Variants in IL17RA observed in about 807,000 individuals in gnomAD.
IL17RA encodes the protein interleukin-17 receptor A.
IL17RA carries 34 observed loss-of-function variants against 50.4 expected under a neutral mutation model. That is an observed-to-expected ratio of 0.67 (90% CI 0.51 to 0.90). The LOEUF (loss-of-function observed/expected upper bound fraction) is 0.90, where lower values mean the gene tolerates loss of function less well. Among genes scored for constraint, IL17RA ranks in the 40% least tolerant of loss-of-function variants. The pLI is 0.00. For synonymous variants in IL17RA, 585 were observed against 510.4 expected (o/e 1.15, Z -1.97); for missense variants, 1,276 against 1,169.8 (o/e 1.09, Z -1.32).
chr22:17,101,404 G>A (rs181274678), intron 5 of IL17RA, among the ~76,000 whole-genome samples: 9 of 152,296 alleles, frequency 5.9e-5, no homozygotes, highest in Non-Finnish European at 1.2e-4. Context: ...ATGTCACCGC[G>A]TGTGGCTCAT....
rs552176381 is a variant in IL17RA, at chr22:17,100,412, G to C, written c.481G>C (p.Val161Leu). The C allele has an allele frequency of 6.2e-7, 1 of 1,613,922 alleles. No individual in the cohort carries two copies. The highest frequency in any genetic ancestry group is 8.5e-7 in the Non-Finnish European group (1 of 1,179,968). ...CCCTGACCAGGAATATGAGGTGACC[G>C]TTCACCACCTGCCCAAGCCCATCCC... ...VDPDQEYEVTVHHLPKPIPDG... is the reference protein window; with the variant it reads ...VDPDQEYEVTLHHLPKPIPDG... The change falls in exon 5 of 13, where the codon GTT (valine) becomes CTT (leucine). Residue 161 changes from valine to leucine, a missense_variant. Transcript: ENST00000319363.
Position 17,107,663 on chromosome 22 carries a change from C to T in IL17RA, c.1046-64C>T. 5.7e-6 allele frequency: 8 copies of T among 1,396,158 alleles called. No homozygotes were observed. The South Asian group carries it at 9.2e-5, about 16-fold the overall frequency. The allele number at this position is 1,396,158 out of a possible 1,614,324, so 86.5% of individuals were successfully genotyped here. On this transcript the variant is annotated intron_variant, in intron 11 of 12. Coordinates refer to ENST00000319363, the MANE Select transcript of IL17RA (RefSeq NM_014339.7). ...CTTTGTCAGGGATGGGGCAGACACC[C>T]TGTGAGCTGGTTTCTATTTCTCTTC...
chr22:17,097,681 G>A (rs2061373096), intron 2 of IL17RA, 116 bp from the exon 3 acceptor site: 33 of 1,296,914 alleles, frequency 2.5e-5, no homozygotes, highest in Non-Finnish European at 3.6e-5. Flanking sequence ...AAGGGCCACA[G>A]GCTGGAAGGC....
intron 1 of IL17RA, chr22:17,093,860 A>G (rs1232790769): frequency 1.3e-5 from 2 of 153,190 alleles, no homozygotes; most frequent in African/African-American, 4.8e-5. Flanking sequence ...ACCAAGGGGC[A>G]CACTGCTTGA....
intron 11 of IL17RA, 57 bp from the exon 12 acceptor site, chr22:17,107,670 C>T: frequency 6.9e-7 from 1 of 1,449,434 alleles, no homozygotes; most frequent in South Asian, 1.1e-5. Context: ...ACCCTGTGAG[C>T]TGGTTTCTAT....
At chr22:17,098,959 AGACCCT>A in intron 4 of IL17RA, 72 bp downstream of exon 4, 1 of 1,276,976 alleles carries the variant, frequency 7.8e-7, no homozygotes, top group Non-Finnish European at 1.1e-6. Flanking sequence ...CCCCAAATTC[AGACCCT>A]GATTTAGAGT....
chr22:17,106,911 G>A (rs1454615237), intron 11 of IL17RA, among the ~76,000 whole-genome samples: 2 of 152,150 alleles, frequency 1.3e-5, no homozygotes, highest in African/African-American at 4.8e-5. Flanking sequence ...GTTTTCCGAA[G>A]TGTCCTGCAC....
intron 5 of IL17RA, 38 bp from the exon 6 acceptor site, chr22:17,101,958 C>T (rs555903888): frequency 4.8e-5 from 78 of 1,613,052 alleles, no homozygotes; most frequent in Non-Finnish European, 6.3e-5. Context: ...TTTCTGAAGG[C>T]AGAGGCTTAA....
intron 1 of IL17RA, 72 bp downstream of exon 1, chr22:17,085,301 C>T: frequency 1.3e-6 from 2 of 1,523,436 alleles, no homozygotes; most frequent in East Asian, 2.5e-5. Flanking sequence ...GAGGGCCGGA[C>T]GGTCGGGACT....
At position 17,097,860 on chromosome 22, in the gene IL17RA, T is replaced by C. The variant is rs745774811; in HGVS notation, c.227T>C (p.Leu76Pro). The C allele has an allele frequency of 1.3e-5, 21 of 1,614,102 alleles. No individual in the cohort carries two copies. The highest frequency in any genetic ancestry group is 1.6e-5 in the Non-Finnish European group (19 of 1,180,034). ...RNLTPSSPKD[L>P]QIQLHFAHTQ... ...CTGACCCCCTCCTCCCCAAAGGACC[T>C]GCAGATCCAGCTGCACTTTGCCCAC... Residue 76 changes from leucine to proline, a missense_variant, in exon 3 of 13, where the codon CTG becomes CCG. Leu to Pro is a moderately conservative substitution (Grantham distance 98). Transcript: ENST00000319363.
At chr22:17,092,255 CCTT>C (rs1256207030) in intron 1 of IL17RA, among the ~76,000 whole-genome samples, 1 of 152,200 alleles carries the variant, frequency 6.6e-6, no homozygotes, top group East Asian at 1.9e-4. Context: ...GCTTTGTACT[CCTT>C]CTCCTATACC....
chr22:17,088,809 A>G lies in IL17RA; in HGVS notation c.138+3580A>G, dbSNP rs191220578. Among the ~76,000 whole-genome samples the G allele has an allele frequency of 2.2e-3, 320 of 145,902 alleles. 3 individuals are homozygous for G. Among genetic ancestry groups the G allele is most frequent in the Admixed American group, 0.015 (220 of 14,446 alleles). ...GGCCAATTTTTTTATTTTTATTTTT[A>G]TTTTGAGACAAGGTCTCACTCTGTC... On this transcript the variant is annotated intron_variant, in intron 1 of 12. Coordinates refer to ENST00000319363, the MANE Select transcript of IL17RA (RefSeq NM_014339.7).
chr22:17,106,389 C>A (rs2061414924), intron 11 of IL17RA, among the ~76,000 whole-genome samples: 1 of 152,152 alleles, frequency 6.6e-6, no homozygotes, highest in East Asian at 1.9e-4. Context: ...AGGGGTGGAC[C>A]CCAGCCCCAC....
Position 17,103,542 on chromosome 22 carries a change from C to T in IL17RA, c.811C>T (p.Arg271Cys). 3.1e-6 allele frequency: 5 copies of T among 1,613,712 alleles called. No individual in the cohort carries two copies. The highest frequency in any genetic ancestry group is 2.2e-5 in the East Asian group (1 of 44,848). Reference sequence around the variant, plus strand: ...GCGATCCAACGTCACACTCACTCTACGCAACCTTAAAGGGTGCTGTCGCCA... The same window carrying T: ...GCGATCCAACGTCACACTCACTCTATGCAACCTTAAAGGGTGCTGTCGCCA... ...HQRSNVTLTLRNLKGCCRHQV... is the reference protein window; with the variant it reads ...HQRSNVTLTLCNLKGCCRHQV... The change falls in exon 8 of 13, where the codon CGC becomes TGC. Residue 271 changes from arginine to cysteine, a missense_variant. Transcript: ENST00000319363.
At position 17,110,167 on chromosome 22, in the gene IL17RA, T is replaced by G; in HGVS notation, c.*347T>G. On this transcript the variant is annotated 3_prime_UTR_variant, in exon 13 of 13. Transcript: ENST00000319363. ...ATTGCATGCGGCATGGCCCCAGCCATGAAGGAACTTAACCGCTAGTGCCGA... is the reference window on the plus strand; with the variant it reads ...ATTGCATGCGGCATGGCCCCAGCCAGGAAGGAACTTAACCGCTAGTGCCGA... The G allele has an allele frequency of 2.8e-6, 1 of 359,534 alleles. No homozygotes were observed. The highest frequency in any genetic ancestry group is 7.4e-5 in the East Asian group (1 of 13,602). The allele number at this position is 359,534 out of a possible 1,614,324, so 22.3% of individuals were successfully genotyped here.
rs13057764 is a variant in IL17RA, at chr22:17,085,445, T to G, written c.138+216T>G. On this transcript the variant is annotated intron_variant, in intron 1 of 12. Coordinates refer to ENST00000319363, the MANE Select transcript of IL17RA (RefSeq NM_014339.7). ...GTTGCGGTGTGGAATACGGGGGGGG[T>G]GGGTGGCACATCGCGCGGCGCGTGT... Among the ~76,000 whole-genome samples the G allele has an allele frequency of 4.7e-4, 66 of 139,406 alleles. 1 individual carries two copies. The highest frequency in any genetic ancestry group is 3.4e-3 in the East Asian group (16 of 4,684). 91.5% of individuals were successfully genotyped at this position (139,406 alleles called of 152,430 possible).
At chr22:17,101,933 G>C in intron 5 of IL17RA, 63 bp from the exon 6 acceptor site, 1 of 1,597,394 alleles carries the variant, frequency 6.3e-7, no homozygotes, top group African/African-American at 1.3e-5. Context: ...GGTGTCAGGA[G>C]TCTGGAAGAA....
At chr22:17,094,527 C>A (rs2061358789) in intron 1 of IL17RA, among the ~76,000 whole-genome samples, 1 of 149,988 alleles carries the variant, frequency 6.7e-6, no homozygotes, top group Non-Finnish European at 1.5e-5. Flanking sequence ...GTATATTTTT[C>A]AGTTTTGATT....
intron 4 of IL17RA, among the ~76,000 whole-genome samples, chr22:17,100,141 T>TTA (rs1366956748): frequency 4.1e-5 from 5 of 121,542 alleles, no homozygotes; most frequent in African/African-American, 1.4e-4. Context: ...GATCCAGGTT[T>TTA]AAAAAAAAAA....
Sources: allele counts gnomAD v4.1 joint callset (sites outside exome capture counted in the v4.1 genomes callset), GRCh38; gene constraint gnomAD v4.1.1; transcripts MANE v1.5; gene names NCBI Gene and HGNC (gene_info 2026-07-23, HGNC 2026-07-21).